CPPED1: variants seen among roughly 807,000 people sequenced by gnomAD.
The protein encoded by CPPED1 is serine/threonine-protein phosphatase CPPED1.
In CPPED1, 28 loss-of-function variants were observed where a neutral mutation model predicts 28.0. The ratio of observed to expected loss-of-function variants is 1.00; its 90% CI spans 0.74 to 1.37. CPPED1 has a LOEUF of 1.37. Among genes scored for constraint, CPPED1 ranks in the 40% most tolerant of loss-of-function variants. The pLI, the probability that CPPED1 is intolerant of heterozygous loss-of-function variation, is 0.00. For missense variants in CPPED1, 504 were observed against 416.5 expected, an observed-to-expected ratio of 1.21 and a Z score of -1.83; for synonymous variants, 198 against 180.2, an observed-to-expected ratio of 1.10 and a Z score of -0.79.
chr16:12,750,583 C>T (rs946663677), intron 2 of CPPED1, among the ~76,000 whole-genome samples: 2 of 152,042 alleles, frequency 1.3e-5, no homozygotes, highest in Non-Finnish European at 2.9e-5. Context: ...CAAAGATCAC[C>T]GATCACAGAT....
chr16:12,766,277 G>GTATATATA (rs1567301044), intron 2 of CPPED1, among the ~76,000 whole-genome samples: 1 of 119,910 alleles, frequency 8.3e-6, no homozygotes, highest in Admixed American at 7.9e-5. Context: ...AGAGAGAGAG[G>GTATATATA]GAGAGAGAGA....
At chr16:12,720,450 T>C (rs1178546696) in intron 2 of CPPED1, 2 of 153,866 alleles carry the variant, frequency 1.3e-5, no homozygotes, top group African/African-American at 2.4e-5. Context: ...TTGTTTTCTG[T>C]ACCTTTACCT....
chr16:12,686,273 TGCCCAG>T (rs2079933046), intron 3 of CPPED1, among the ~76,000 whole-genome samples: 1 of 151,966 alleles, frequency 6.6e-6, no homozygotes. Context: ...CTTGCTATGT[TGCCCAG>T]GCTGGTCATG....
chr16:12,802,370 G>A (rs2080665334), intron 1 of CPPED1, among the ~76,000 whole-genome samples: 1 of 152,194 alleles, frequency 6.6e-6, no homozygotes, highest in South Asian at 2.1e-4. Context: ...AGGAGGCTGA[G>A]GACGGCGGAT....
At chr16:12,740,864 G>A (rs1343614050) in intron 2 of CPPED1, among the ~76,000 whole-genome samples, 2 of 152,200 alleles carry the variant, frequency 1.3e-5, no homozygotes, top group African/African-American at 2.4e-5. Flanking sequence ...CTGGGCTGCT[G>A]CACCATGTCC....
At chr16:12,725,960 G>T (rs1370511070) in intron 2 of CPPED1, among the ~76,000 whole-genome samples, 1 of 152,190 alleles carries the variant, frequency 6.6e-6, no homozygotes, top group Non-Finnish European at 1.5e-5. Context: ...GGCTGGGGAG[G>T]CTGAGGCAGG....
chr16:12,770,873 G>A (rs192419054), intron 2 of CPPED1, among the ~76,000 whole-genome samples: 1,302 of 125,818 alleles, frequency 0.01, 14 homozygotes, highest in South Asian at 0.023. Context: ...GGAAAGGAAA[G>A]GAAAGGAAAG....
chr16:12,766,256 T>TATAG, intron 2 of CPPED1, among the ~76,000 whole-genome samples: 18 of 134,286 alleles, frequency 1.3e-4, no homozygotes, highest in Admixed American at 2.8e-4. Context: ...TATATATATA[T>TATAG]AGAGAGAGAG....
intron 2 of CPPED1, among the ~76,000 whole-genome samples, chr16:12,749,912 C>T (rs1182050763): frequency 2.0e-5 from 3 of 152,154 alleles, no homozygotes; most frequent in African/African-American, 7.2e-5. Flanking sequence ...TTCTTAATGG[C>T]ATCTAGAATG....
At chr16:12,728,300 T>C (rs914097474) in intron 2 of CPPED1, among the ~76,000 whole-genome samples, 2 of 152,136 alleles carry the variant, frequency 1.3e-5, no homozygotes, top group African/African-American at 4.8e-5. Context: ...AGAGGGTCCG[T>C]AGAGGTATAA....
chr16:12,720,486 TTTTA>T (rs2080133689), intron 2 of CPPED1: 1 of 152,372 alleles, frequency 6.6e-6, no homozygotes, highest in Admixed American at 6.5e-5. Context: ...TGTTTTATTA[TTTTA>T]TTTATTATTT....
At chr16:12,668,775 T>A (rs1312393992) in intron 3 of CPPED1, among the ~76,000 whole-genome samples, 1 of 152,110 alleles carries the variant, frequency 6.6e-6, no homozygotes, top group African/African-American at 2.4e-5. Context: ...TTAGCGACAA[T>A]GAGATAACCA....
intron 2 of CPPED1, among the ~76,000 whole-genome samples, chr16:12,751,577 A>C (rs2080329255): frequency 1.3e-5 from 2 of 152,176 alleles, no homozygotes; most frequent in South Asian, 4.1e-4. Flanking sequence ...CCTAAAGATG[A>C]AGGAGCAGAA....
intron 1 of CPPED1, among the ~76,000 whole-genome samples, chr16:12,793,147 C>T (rs1346872923): frequency 6.6e-6 from 1 of 152,174 alleles, no homozygotes; most frequent in Non-Finnish European, 1.5e-5. Flanking sequence ...GCTGATGGAT[C>T]CTGTTCCTTA....
chr16:12,709,514 G>C lies in CPPED1; in HGVS notation c.290-4465C>G, dbSNP rs1397468852. Among the ~76,000 whole-genome samples, 3 of 152,148 alleles carry C rather than the reference G, an allele frequency of 2.0e-5. No individual in the cohort carries two copies. Among genetic ancestry groups the C allele is most frequent in the Non-Finnish European group, 2.9e-5 (2 of 68,026 alleles). Reference sequence around the variant, plus strand: ...ATGCAATTGGTCAAAATAAAACTAGGAGGTAAAAAGCATGATAACGATAAT... The same window carrying C: ...ATGCAATTGGTCAAAATAAAACTAGCAGGTAAAAAGCATGATAACGATAAT... On this transcript the variant is annotated intron_variant, in intron 2 of 3. Transcript: ENST00000381774. This position sits in a 1 kb window ranked among gnomAD's most constrained non-coding sequence, Gnocchi z 4.4.
chr16:12,732,687 T>C lies in CPPED1; in HGVS notation c.290-27638A>G, dbSNP rs182686131. On this transcript the variant is annotated intron_variant, in intron 2 of 3. Coordinates refer to ENST00000381774, the MANE Select transcript of CPPED1 (RefSeq NM_018340.3). ...TAAAAGATCAACAATCAAAATAAAA[T>C]TGAACTTCTTAAAATCCATACTGAA... Among the ~76,000 whole-genome samples the C allele has an allele frequency of 8.5e-5, 13 of 152,206 alleles. 1 individual carries two copies. The East Asian group carries it at 2.5e-3, about 29-fold the overall frequency.
intron 1 of CPPED1, among the ~76,000 whole-genome samples, chr16:12,796,998 A>G (rs1327815983): frequency 1.3e-5 from 2 of 152,248 alleles, no homozygotes; most frequent in Non-Finnish European, 2.9e-5. Context: ...CAAAGAGGCC[A>G]GTCACAAAAG....
chr16:12,677,910 T>C (rs939831365), intron 3 of CPPED1, among the ~76,000 whole-genome samples: 1 of 152,234 alleles, frequency 6.6e-6, no homozygotes, highest in Non-Finnish European at 1.5e-5. Flanking sequence ...GTGGTCTCTG[T>C]CACGACTACT....
At chr16:12,706,817 A>C (rs2080053992) in intron 2 of CPPED1, among the ~76,000 whole-genome samples, 1 of 151,950 alleles carries the variant, frequency 6.6e-6, no homozygotes, top group Non-Finnish European at 1.5e-5. Flanking sequence ...TCAGACCCCA[A>C]CTCCTGCTGC....
Sources: allele counts gnomAD v4.1 joint callset (sites outside exome capture counted in the v4.1 genomes callset), GRCh38; gene constraint gnomAD v4.1.1; non-coding constraint Gnocchi (gnomAD v3.1); transcripts MANE v1.5; gene names NCBI Gene and HGNC (gene_info 2026-07-23, HGNC 2026-07-21).